The following NKAIN2 variants were observed in gnomAD, a reference collection of about 807,000 sequenced individuals.
NKAIN2 encodes sodium/potassium transporting ATPase interacting 2.
In NKAIN2, 14 loss-of-function variants were observed where a neutral mutation model predicts 32.6. The ratio of observed to expected loss-of-function variants is 0.43; its 90% CI spans 0.28 to 0.67. The LOEUF is 0.67. Ranked by LOEUF, NKAIN2 falls within the 30% of genes least tolerant of loss-of-function variation. The probability of loss-of-function intolerance (pLI) is 0.17; values close to 1 mark genes in which losing one functional copy is unlikely to be tolerated. For synonymous variants in NKAIN2, 80 were observed against 87.2 expected, an observed-to-expected ratio of 0.92 and a Z score of 0.46; for missense variants, 198 against 258.3, an observed-to-expected ratio of 0.77 and a Z score of 1.60.
intron 4 of NKAIN2, among the ~76,000 whole-genome samples, chr6:124,749,714 C>T (rs1473160094): frequency 6.6e-6 from 1 of 151,944 alleles, no homozygotes; most frequent in African/African-American, 2.4e-5. Context: ...TCATTGTCAA[C>T]TTATGCCCCA....
chr6:124,676,529 A>G (rs1773363239), intron 4 of NKAIN2, among the ~76,000 whole-genome samples: 1 of 152,096 alleles, frequency 6.6e-6, no homozygotes, highest in Admixed American at 6.6e-5. Context: ...AATATCTATA[A>G]TTGTTATATC....
intron 1 of NKAIN2, among the ~76,000 whole-genome samples, chr6:123,985,845 AC>A (rs1039559615): frequency 6.6e-6 from 1 of 152,244 alleles, no homozygotes; most frequent in African/African-American, 2.4e-5. Context: ...GGAATACTTA[AC>A]CAGGGAAAAA....
intron 1 of NKAIN2, among the ~76,000 whole-genome samples, chr6:124,233,694 G>A (rs1284822344): frequency 1.3e-5 from 2 of 152,058 alleles, no homozygotes; most frequent in Non-Finnish European, 2.9e-5. Flanking sequence ...CAGGACCTTT[G>A]TAATATGTGA....
At chr6:124,681,481 C>T (rs1284117362) in intron 4 of NKAIN2, among the ~76,000 whole-genome samples, 2 of 151,898 alleles carry the variant, frequency 1.3e-5, no homozygotes, top group Admixed American at 6.6e-5. Flanking sequence ...TAATTAATAG[C>T]TTGATGTATC....
intron 4 of NKAIN2, among the ~76,000 whole-genome samples, chr6:124,759,656 C>CACACACA (rs879444854): frequency 1.5e-3 from 98 of 66,324 alleles, no homozygotes; most frequent in East Asian, 4.8e-3. Flanking sequence ...CACACACACA[C>CACACACA]CCCCTATCTC....
At chr6:124,410,030 G>A (rs1360099249) in intron 3 of NKAIN2, among the ~76,000 whole-genome samples, 2 of 152,010 alleles carry the variant, frequency 1.3e-5, no homozygotes, top group African/African-American at 2.4e-5. Context: ...CTGTGGGATC[G>A]GTGGTGATAT....
At chr6:124,616,933 T>C (rs1782928155) in intron 3 of NKAIN2, among the ~76,000 whole-genome samples, 1 of 152,150 alleles carries the variant, frequency 6.6e-6, no homozygotes, top group Admixed American at 6.5e-5. Context: ...AGTCATGATA[T>C]GCCCTTCCTC....
rs570390190 is a variant in NKAIN2, at chr6:124,347,713, G to C, written c.193-7554G>C. Among the ~76,000 whole-genome samples the C allele has an allele frequency of 5.3e-5, 8 of 152,140 alleles. No homozygotes were observed. The East Asian group carries it at 1.2e-3, about 22-fold the overall frequency. ...GCTCCTTTAAGCACTTCTCTGTATT[G>C]GTTATTCTAGTTATACATTCATCTA... On this transcript the variant is annotated intron_variant, in intron 2 of 6. Coordinates refer to ENST00000368417, the MANE Select transcript of NKAIN2 (RefSeq NM_001040214.3).
intron 3 of NKAIN2, among the ~76,000 whole-genome samples, chr6:124,627,475 G>A (rs889917208): frequency 8.5e-5 from 13 of 152,212 alleles, no homozygotes; most frequent in Admixed American, 4.6e-4. Context: ...TGCTCCTGTT[G>A]TGCTTTAGCA....
chr6:124,036,216 T>C (rs976200832), intron 1 of NKAIN2, among the ~76,000 whole-genome samples: 7 of 152,258 alleles, frequency 4.6e-5, no homozygotes, highest in South Asian at 4.1e-4. Context: ...TCTTAGAGTA[T>C]GGTTGTCGAG....
intron 4 of NKAIN2, among the ~76,000 whole-genome samples, chr6:124,736,678 A>G (rs1275840460): frequency 6.6e-6 from 1 of 151,982 alleles, no homozygotes; most frequent in Non-Finnish European, 1.5e-5. Context: ...CCTGAATGAT[A>G]GCACATCTGT....
At chr6:124,803,606 C>T (rs985599011) in intron 5 of NKAIN2, among the ~76,000 whole-genome samples, 1 of 152,256 alleles carries the variant, frequency 6.6e-6, no homozygotes, top group Non-Finnish European at 1.5e-5. Context: ...ACAGGCTGTT[C>T]CTGTTGCTTG....
chr6:123,846,592 G>A (rs1363216575), intron 1 of NKAIN2, among the ~76,000 whole-genome samples: 1 of 152,206 alleles, frequency 6.6e-6, no homozygotes, highest in East Asian at 1.9e-4. Flanking sequence ...TTAATAGGAA[G>A]AAAAAATGAT....
intron 1 of NKAIN2, among the ~76,000 whole-genome samples, chr6:123,974,551 A>T (rs530654228): frequency 5.3e-5 from 8 of 152,264 alleles, no homozygotes; most frequent in African/African-American, 1.7e-4. Context: ...ATAACAAGAG[A>T]CAAAAACCCA....
chr6:124,229,738 G>C (rs542016052), intron 1 of NKAIN2, among the ~76,000 whole-genome samples: 2 of 152,174 alleles, frequency 1.3e-5, no homozygotes, highest in South Asian at 2.1e-4. Flanking sequence ...CCCTGCACAG[G>C]CTCTCTTTTT....
chr6:124,706,884 A>T (rs993502959), intron 4 of NKAIN2, among the ~76,000 whole-genome samples: 1 of 152,064 alleles, frequency 6.6e-6, no homozygotes, highest in Non-Finnish European at 1.5e-5. Flanking sequence ...GTACATGTAC[A>T]CATTGTGCAG....
intron 2 of NKAIN2, among the ~76,000 whole-genome samples, chr6:124,318,706 T>A (rs965117073): frequency 5.3e-5 from 8 of 152,040 alleles, no homozygotes; most frequent in African/African-American, 1.9e-4. Flanking sequence ...GAAGTTATGC[T>A]GACACTAAGA....
At chr6:124,482,901 G>A (rs1041921671) in intron 3 of NKAIN2, among the ~76,000 whole-genome samples, 2 of 152,214 alleles carry the variant, frequency 1.3e-5, no homozygotes, top group African/African-American at 4.8e-5. Flanking sequence ...TCGGGAGGCC[G>A]AGGCGGGCGG....
At chr6:124,585,255 T>G (rs911024459) in intron 3 of NKAIN2, among the ~76,000 whole-genome samples, 7 of 152,158 alleles carry the variant, frequency 4.6e-5, no homozygotes, top group Non-Finnish European at 8.8e-5. Context: ...TGCTAAAAAT[T>G]GAAACAATTG....
Sources: gnomAD v4.1 joint callset for allele counts (sites outside exome capture counted in the v4.1 genomes callset) on GRCh38, gnomAD v4.1.1 for gene constraint, MANE v1.5 for transcripts, NCBI Gene and HGNC (gene_info 2026-07-23, HGNC 2026-07-21) for gene names.